Variants in IFIH1 observed in about 807,000 individuals in gnomAD.
The protein encoded by IFIH1 is interferon-induced helicase C domain-containing protein 1.
In IFIH1, 125 loss-of-function variants were observed where a neutral mutation model predicts 107.4. That is an observed-to-expected ratio of 1.16 (90% CI 1.01 to 1.35). The LOEUF is 1.35. Among genes scored for constraint, IFIH1 ranks in the 40% most tolerant of loss-of-function variants. The pLI, the probability that IFIH1 is intolerant of heterozygous loss-of-function variation, is 0.00. For missense variants in IFIH1, 1,333 were observed against 1,213.7 expected (o/e 1.10, Z -1.46); for synonymous variants, 458 against 413.2 (o/e 1.11, Z -1.31).
In IFIH1 at chr2:162,292,872, T is replaced by G. The variant is rs534304224; in HGVS notation, c.874+692A>C. The stretch of plus-strand genomic sequence containing the variant: ...TAACATTTTAGCTTAGTAGTCATCA[T>G]GGAAATATACACTCAAAGAAAAGAA... On this transcript the variant is annotated intron_variant, in intron 4 of 15. Coordinates refer to ENST00000649979, the MANE Select transcript of IFIH1 (RefSeq NM_022168.4). Among the ~76,000 whole-genome samples the G allele has an allele frequency of 2.6e-5, 4 of 151,962 alleles. No homozygotes were observed. In the East Asian group the frequency reaches 7.8e-4, roughly 29 times the overall value.
chr2:162,278,894 G>A (rs1182361966), intron 8 of IFIH1, among the ~76,000 whole-genome samples: 1 of 152,056 alleles, frequency 6.6e-6, no homozygotes, highest in African/African-American at 2.4e-5. Flanking sequence ...GGAGCCAGGA[G>A]CTTTTAGGAT....
intron 3 of IFIH1, among the ~76,000 whole-genome samples, chr2:162,300,100 A>G (rs1046899156): frequency 1.3e-5 from 2 of 152,176 alleles, no homozygotes; most frequent in African/African-American, 2.4e-5. Flanking sequence ...GCTAGATTAC[A>G]GTTTCTTTGT....
intron 1 of IFIH1, among the ~76,000 whole-genome samples, chr2:162,314,186 A>T (rs1218051525): frequency 1.3e-5 from 2 of 152,182 alleles, no homozygotes; most frequent in Non-Finnish European, 2.9e-5. Context: ...AACAATGCCA[A>T]ATTGTAACTT....
chr2:162,279,573 T>C (rs1576225722), intron 8 of IFIH1, among the ~76,000 whole-genome samples: 1 of 152,194 alleles, frequency 6.6e-6, no homozygotes, highest in South Asian at 2.1e-4. Context: ...AGTATGCAAA[T>C]TAGATAGGAT....
chr2:162,271,182 A>G lies in IFIH1; in HGVS notation c.2616+1044T>C, dbSNP rs149985121. On this transcript the variant is annotated intron_variant, in intron 13 of 15. Transcript: ENST00000649979. Reference sequence around the variant, plus strand: ...GATGTAGCTAGATGACATATTCTGTATTTTCTTATCATTCAGATGCAGCTT... The same window carrying G: ...GATGTAGCTAGATGACATATTCTGTGTTTTCTTATCATTCAGATGCAGCTT... Among the ~76,000 whole-genome samples, 43 of 152,206 alleles carry G rather than the reference A, an allele frequency of 2.8e-4. 1 individual carries two copies. Among genetic ancestry groups the G allele is most frequent in the Admixed American group, 6.5e-4 (10 of 15,280 alleles).
intron 3 of IFIH1, among the ~76,000 whole-genome samples, chr2:162,297,762 A>G (rs917026003): frequency 6.6e-6 from 1 of 152,140 alleles, no homozygotes; most frequent in Non-Finnish European, 1.5e-5. Flanking sequence ...ATTGGAATGA[A>G]TGAAAATTAT....
At position 162,272,351 on chromosome 2, in the gene IFIH1, C is replaced by T. The variant is rs750993424; in HGVS notation, c.2491G>A (p.Val831Ile). ...GRARADESTYVLVAHSGSGVI... is the reference protein window; with the variant it reads ...GRARADESTYILVAHSGSGVI... ...CCTGAACCACTGTGAGCAACCAGGA[C>T]GTAGGTGCTCTCATCAGCTCTGGCT... is the stretch of plus-strand genomic sequence containing the variant. The change falls in exon 13 of 16, where the codon GTC (valine) becomes ATC (isoleucine). Residue 831 changes from valine to isoleucine, a missense_variant. By Grantham distance (29) the Val-to-Ile change is conservative. Transcript: ENST00000649979. 1.9e-5 allele frequency: 30 copies of T among 1,613,202 alleles called. No homozygotes were observed. The highest frequency in any genetic ancestry group is 1.5e-4 in the South Asian group (14 of 91,078).
At chr2:162,270,291 T>G (rs1403393720) in intron 13 of IFIH1, among the ~76,000 whole-genome samples, 1 of 152,210 alleles carries the variant, frequency 6.6e-6, no homozygotes, top group African/African-American at 2.4e-5. Flanking sequence ...CCTAGAAGTC[T>G]GATTTAATTT....
chr2:162,278,114 T>C, intron 9 of IFIH1, 91 bp downstream of exon 9: 3 of 1,108,284 alleles, frequency 2.7e-6, no homozygotes, highest in Non-Finnish European at 3.9e-6. Flanking sequence ...CTACTTTTGC[T>C]TTCCATTTTT....
chr2:162,300,315 TAA>T (rs1158476108), intron 3 of IFIH1, among the ~76,000 whole-genome samples: 1 of 152,190 alleles, frequency 6.6e-6, no homozygotes, highest in Non-Finnish European at 1.5e-5. Context: ...CTGCTTTTGT[TAA>T]AACTCTGCTA....
chr2:162,284,197 G>A (rs956600196), intron 5 of IFIH1, among the ~76,000 whole-genome samples: 12 of 151,774 alleles, frequency 7.9e-5, no homozygotes, highest in Admixed American at 3.3e-4. Context: ...CCACAAAGCC[G>A]TTCTTGAATC....
chr2:162,308,178 C>A (rs191333757), intron 2 of IFIH1, among the ~76,000 whole-genome samples: 9 of 152,278 alleles, frequency 5.9e-5, no homozygotes, highest in African/African-American at 2.2e-4. Flanking sequence ...GTTCTGGGCA[C>A]TGGAAGTCCA....
In IFIH1 at chr2:162,288,326, G is replaced by A. The variant is rs760951493; in HGVS notation, c.904C>T (p.Pro302Ser). The A allele has an allele frequency of 1.9e-6, 3 of 1,612,584 alleles. 1 individual carries two copies. In the South Asian group the frequency reaches 3.3e-5, roughly 18 times the overall value. Reference sequence around the variant, plus strand: ...GGCCTGAGCTGGAGTTCTGGCTCCGGGGATGCTCTTGCTGCCACATTCTCT... The same window carrying A: ...GGCCTGAGCTGGAGTTCTGGCTCCGAGGATGCTCTTGCTGCCACATTCTCT... ...DEENVAARAS[P>S]EPELQLRPYQ... The change falls in exon 5 of 16, where the codon CCG becomes TCG. Residue 302 changes from proline to serine, a missense_variant. Pro to Ser is a moderately conservative substitution (Grantham distance 74). Transcript: ENST00000649979.
At chr2:162,277,354 C>G in intron 10 of IFIH1, 61 bp downstream of exon 10, 1 of 1,154,698 alleles carries the variant, frequency 8.7e-7, no homozygotes, top group Non-Finnish European at 1.3e-6. Flanking sequence ...TTATGAGAAG[C>G]AGTAAGTTCA....
At chr2:162,281,624 G>A in intron 6 of IFIH1, 79 bp from the exon 7 acceptor site, 1 of 1,055,932 alleles carries the variant, frequency 9.5e-7, no homozygotes, top group Non-Finnish European at 1.4e-6. Flanking sequence ...CAGTAATTGA[G>A]CTGCCTTGGG....
chr2:162,304,451 C>A (rs991698524), intron 3 of IFIH1, among the ~76,000 whole-genome samples: 1 of 151,898 alleles, frequency 6.6e-6, no homozygotes, highest in Non-Finnish European at 1.5e-5. Flanking sequence ...GACAGAGAGA[C>A]AGAGCAAGAC....
At chr2:162,284,970 GA>G (rs1682873846) in intron 5 of IFIH1, among the ~76,000 whole-genome samples, 1 of 151,952 alleles carries the variant, frequency 6.6e-6, no homozygotes, top group African/African-American at 2.4e-5. Context: ...AGAACAAAAA[GA>G]AGTTGTCACA....
intron 10 of IFIH1, among the ~76,000 whole-genome samples, 199 bp downstream of exon 10, chr2:162,277,216 A>G (rs1682700068): frequency 6.6e-6 from 1 of 152,210 alleles, no homozygotes; most frequent in African/African-American, 2.4e-5. Flanking sequence ...TGTCTTGACA[A>G]TAAAACTGAA....
intron 3 of IFIH1, among the ~76,000 whole-genome samples, chr2:162,303,146 T>G (rs1046503346): frequency 6.6e-6 from 1 of 152,156 alleles, no homozygotes. Context: ...AGTTTTTTTG[T>G]TCTTATTGCT....
Sources: gnomAD v4.1 joint callset for allele counts (sites outside exome capture counted in the v4.1 genomes callset) on GRCh38, gnomAD v4.1.1 for gene constraint, MANE v1.5 for transcripts, NCBI Gene and HGNC (gene_info 2026-07-23, HGNC 2026-07-21) for gene names.